The following P3H2 variants were observed in gnomAD, a reference collection of about 807,000 sequenced individuals.
P3H2 encodes leprecan-like 1.
P3H2 carries 80 observed loss-of-function variants against 87.0 expected under a neutral mutation model. That is an observed-to-expected ratio of 0.92 (90% CI 0.77 to 1.11). The LOEUF is 1.11. P3H2 is among the 50% of genes least tolerant of loss of function. The pLI is 0.00. For missense variants in P3H2, 1,001 were observed against 923.9 expected (o/e 1.08, Z -1.08); for synonymous variants, 367 against 359.3 (o/e 1.02, Z -0.24).
chr3:190,036,788 G>A (rs550589616), intron 1 of P3H2, among the ~76,000 whole-genome samples: 2 of 152,114 alleles, frequency 1.3e-5, no homozygotes, highest in Non-Finnish European at 2.9e-5. Flanking sequence ...GCCCTTGAGC[G>A]ATGATCCCTT....
intron 13 of P3H2, among the ~76,000 whole-genome samples, chr3:189,965,508 T>C (rs185974408): frequency 3.9e-5 from 6 of 152,376 alleles, no homozygotes; most frequent in Admixed American, 2.6e-4. Flanking sequence ...GATTTGTCTT[T>C]GCTGGAATTG....
chr3:190,074,442 C>T lies in P3H2; in HGVS notation c.480+45810G>A, dbSNP rs972019000. On this transcript the variant is annotated intron_variant, in intron 1 of 14. Transcript: ENST00000319332. Reference sequence around the variant, plus strand: ...AGGAGAATCACTTGAACCCAGGAGGCGGAGGTTGTAGTGAGCCAAGATCGC... The same window carrying T: ...AGGAGAATCACTTGAACCCAGGAGGTGGAGGTTGTAGTGAGCCAAGATCGC... Among the ~76,000 whole-genome samples the T allele has an allele frequency of 3.3e-5, 5 of 151,976 alleles. No homozygotes were observed. The East Asian group carries it at 7.7e-4, about 23-fold the overall frequency.
chr3:190,093,373 A>C (rs538252907), intron 1 of P3H2, among the ~76,000 whole-genome samples: 1 of 152,138 alleles, frequency 6.6e-6, no homozygotes, highest in East Asian at 1.9e-4. Context: ...GTGACTAGCT[A>C]AAGAGGTTGG....
chr3:190,053,234 T>C (rs889913559), intron 1 of P3H2, among the ~76,000 whole-genome samples: 1 of 152,190 alleles, frequency 6.6e-6, no homozygotes, highest in Admixed American at 6.5e-5. Flanking sequence ...ACTTCTCTAA[T>C]GATGTTGAGC....
At chr3:190,107,829 T>C (rs1254428092) in intron 1 of P3H2, among the ~76,000 whole-genome samples, 2 of 152,228 alleles carry the variant, frequency 1.3e-5, no homozygotes, top group South Asian at 2.1e-4. Flanking sequence ...TTACAAACTA[T>C]GATTAGTCAA....
chr3:189,967,643 C>G (rs1324503832), intron 13 of P3H2, among the ~76,000 whole-genome samples: 7 of 151,898 alleles, frequency 4.6e-5, no homozygotes, highest in Non-Finnish European at 7.4e-5. Flanking sequence ...TACAGATCGT[C>G]AATCTTGATT....
At chr3:190,039,574 G>GAA (rs1230304726) in intron 1 of P3H2, among the ~76,000 whole-genome samples, 21 of 152,236 alleles carry the variant, frequency 1.4e-4, no homozygotes, top group African/African-American at 4.8e-4. Context: ...ATAGCATGGA[G>GAA]TAACCACTAC....
At chr3:190,014,758 T>C (rs926184861) in intron 1 of P3H2, among the ~76,000 whole-genome samples, 4 of 152,224 alleles carry the variant, frequency 2.6e-5, no homozygotes, top group African/African-American at 9.6e-5. Context: ...GAAGCCTCTT[T>C]ATCATTCTGC....
intron 1 of P3H2, among the ~76,000 whole-genome samples, chr3:190,057,023 C>T (rs888280057): frequency 3.3e-5 from 5 of 152,106 alleles, no homozygotes; most frequent in Admixed American, 1.3e-4. Context: ...ACTGATGAAA[C>T]GGCTGCCAAC....
chr3:190,067,803 A>T (rs1470336098), intron 1 of P3H2, among the ~76,000 whole-genome samples: 4 of 152,294 alleles, frequency 2.6e-5, no homozygotes, highest in Non-Finnish European at 4.4e-5. Context: ...TATATCTGGA[A>T]TCCAATAAAA....
At chr3:190,114,184 TTATTA>T (rs1283196563) in intron 1 of P3H2, among the ~76,000 whole-genome samples, 1 of 135,480 alleles carries the variant, frequency 7.4e-6, no homozygotes, top group Non-Finnish European at 1.6e-5. Context: ...CTAATTATTA[TTATTA>T]TTTTTTTTTT....
At chr3:190,047,468 C>T (rs975729547) in intron 1 of P3H2, among the ~76,000 whole-genome samples, 8 of 152,292 alleles carry the variant, frequency 5.3e-5, no homozygotes, top group African/African-American at 1.9e-4. Context: ...AATAGCTAAG[C>T]TGTGAAATCA....
intron 1 of P3H2, among the ~76,000 whole-genome samples, chr3:190,112,354 T>C (rs2108523800): frequency 6.6e-6 from 1 of 152,332 alleles, no homozygotes; most frequent in East Asian, 1.9e-4. Flanking sequence ...AGAGAGCTGG[T>C]GGGGAACATC....
At chr3:190,108,251 A>C (rs1409455421) in intron 1 of P3H2, among the ~76,000 whole-genome samples, 2 of 152,066 alleles carry the variant, frequency 1.3e-5, no homozygotes, top group African/African-American at 4.8e-5. Context: ...TCCTGGGCTC[A>C]AGTGATCCTC....
chr3:190,013,200 T>C (rs200539261), intron 1 of P3H2, among the ~76,000 whole-genome samples: 1 of 152,170 alleles, frequency 6.6e-6, no homozygotes, highest in East Asian at 1.9e-4. Context: ...GGCTACACAG[T>C]AAATACACAT....
At chr3:189,981,121 T>C (rs1723521074) in intron 8 of P3H2, among the ~76,000 whole-genome samples, 1 of 152,266 alleles carries the variant, frequency 6.6e-6, no homozygotes, top group African/African-American at 2.4e-5. Context: ...TGTTCATCTG[T>C]ATCCTTTATA....
At chr3:189,963,867 T>C in intron 14 of P3H2, 91 bp downstream of exon 14, 1 of 1,353,562 alleles carries the variant, frequency 7.4e-7, no homozygotes, top group Non-Finnish European at 1.1e-6. Flanking sequence ...ACCCTCTTCT[T>C]TTCCTCAGAC....
At chr3:190,036,203 T>C (rs1378473278) in intron 1 of P3H2, among the ~76,000 whole-genome samples, 1 of 152,174 alleles carries the variant, frequency 6.6e-6, no homozygotes, top group Non-Finnish European at 1.5e-5. Context: ...TCACTCTGCC[T>C]TTTCTCCCAA....
chr3:190,082,930 A>C lies in P3H2; in HGVS notation c.480+37322T>G, dbSNP rs558153663. On this transcript the variant is annotated intron_variant, in intron 1 of 14. Transcript: ENST00000319332. ...TATACCTATATTTATAAACAAAAAT[A>C]AAATTATATCATACTCATGATTTGA... Among the ~76,000 whole-genome samples, 6 of 152,338 alleles carry C rather than the reference A, an allele frequency of 3.9e-5. No homozygotes were observed. In the South Asian group the frequency reaches 1.2e-3, roughly 32 times the overall value.
Sources: gnomAD v4.1 joint callset for allele counts (sites outside exome capture counted in the v4.1 genomes callset) on GRCh38, gnomAD v4.1.1 for gene constraint, MANE v1.5 for transcripts, NCBI Gene and HGNC (gene_info 2026-07-23, HGNC 2026-07-21) for gene names.